Variants in SEMA6D observed in about 807,000 individuals in gnomAD.
SEMA6D encodes the protein semaphorin 6D.
A neutral mutation model predicts 106.6 loss-of-function variants in SEMA6D; 35 were observed. That is an observed-to-expected ratio of 0.33 (90% CI 0.25 to 0.44). The LOEUF (loss-of-function observed/expected upper bound fraction) is 0.44. Among genes scored for constraint, SEMA6D ranks in the 20% least tolerant of loss-of-function variants. SEMA6D has a pLI of 1.00. For synonymous variants in SEMA6D, 499 were observed against 487.7 expected, an observed-to-expected ratio of 1.02 and a Z score of -0.31; for missense variants, 1,185 against 1,345.9, an observed-to-expected ratio of 0.88 and a Z score of 1.87.
intron 3 of SEMA6D, among the ~76,000 whole-genome samples, chr15:47,508,736 G>A (rs2044132790): frequency 6.6e-6 from 1 of 152,182 alleles, no homozygotes; most frequent in Non-Finnish European, 1.5e-5. Context: ...CTAGTGTAGT[G>A]GCTAACTGCA....
At chr15:47,717,019 AC>A (rs2079135478), upstream of SEMA6D, 1 of 152,208 alleles carries the variant, frequency 6.6e-6, no homozygotes, top group South Asian at 2.1e-4. Context: ...TCACGGAACA[AC>A]TGCGCCCGCA....
intron 13 of SEMA6D, 174 bp from the exon 14 acceptor site, chr15:47,765,695 C>A: frequency 1.6e-6 from 1 of 623,308 alleles, no homozygotes; most frequent in Non-Finnish European, 2.3e-6. Flanking sequence ...GAAATTTAAC[C>A]AACCATGCAG....
intron 1 of SEMA6D, among the ~76,000 whole-genome samples, chr15:47,278,624 C>G (rs888975797): frequency 5.3e-5 from 8 of 152,008 alleles, no homozygotes; most frequent in African/African-American, 9.7e-5. Context: ...TTAATTAGAT[C>G]CCATTTGTCA....
chr15:47,558,661 A>G (rs1323120672), intron 3 of SEMA6D, among the ~76,000 whole-genome samples: 1 of 152,114 alleles, frequency 6.6e-6, no homozygotes, highest in Non-Finnish European at 1.5e-5. Flanking sequence ...AATTCAATCT[A>G]TTAACTCTAA....
chr15:47,191,780 C>T (rs1893978513), intron 1 of SEMA6D, among the ~76,000 whole-genome samples: 1 of 152,048 alleles, frequency 6.6e-6, no homozygotes, highest in Non-Finnish European at 1.5e-5. Context: ...TATAGAAAAG[C>T]TTAATGGGAG....
chr15:47,606,463 T>C (rs1404112359), intron 4 of SEMA6D: 2 of 152,120 alleles, frequency 1.3e-5, no homozygotes, highest in African/African-American at 4.8e-5. Flanking sequence ...GTCTTTCTTA[T>C]TATACCACAA....
intron 4 of SEMA6D, among the ~76,000 whole-genome samples, chr15:47,642,878 G>A (rs112391776): frequency 6.6e-6 from 1 of 152,076 alleles, no homozygotes. Flanking sequence ...TATATTGAGA[G>A]AGAGAGAGGT....
chr15:47,632,596 AT>A (rs2077312932), intron 4 of SEMA6D, among the ~76,000 whole-genome samples: 1 of 151,620 alleles, frequency 6.6e-6, no homozygotes, highest in Non-Finnish European at 1.5e-5. Flanking sequence ...CTGATTTTTT[AT>A]TTTTTGGTTA....
intron 4 of SEMA6D, among the ~76,000 whole-genome samples, chr15:47,614,228 G>A (rs974153561): frequency 2.0e-5 from 3 of 152,114 alleles, no homozygotes; most frequent in South Asian, 2.1e-4. Flanking sequence ...TACAAAGTGC[G>A]TGCCCAAACC....
intron 1 of SEMA6D, among the ~76,000 whole-genome samples, chr15:47,201,458 GTCTTT>G (rs1189405850): frequency 3.9e-5 from 6 of 152,236 alleles, no homozygotes; most frequent in East Asian, 1.9e-4. Context: ...CCTGATTTCT[GTCTTT>G]TCTTTTAAAT....
chr15:47,769,409 TCGG>T (rs2082516339), intron 18 of SEMA6D, among the ~76,000 whole-genome samples: 1 of 152,228 alleles, frequency 6.6e-6, no homozygotes, highest in Non-Finnish European at 1.5e-5. Flanking sequence ...ATGATTTATA[TCGG>T]TTGATTTTCA....
chr15:47,282,260 C>G (rs1330927993), intron 1 of SEMA6D, among the ~76,000 whole-genome samples: 2 of 152,152 alleles, frequency 1.3e-5, no homozygotes, highest in Non-Finnish European at 2.9e-5. Flanking sequence ...TTAATGACTT[C>G]TAGTAGCATA....
chr15:47,537,169 G>A (rs2045193955), intron 3 of SEMA6D, among the ~76,000 whole-genome samples: 1 of 152,148 alleles, frequency 6.6e-6, no homozygotes, highest in East Asian at 1.9e-4. Context: ...TTTATAGTCA[G>A]AAAGTGAGAA....
intron 1 of SEMA6D, among the ~76,000 whole-genome samples, chr15:47,368,476 A>ATTTT (rs944927218): frequency 3.6e-5 from 3 of 84,430 alleles, no homozygotes; most frequent in African/African-American, 1.0e-4. Context: ...TTATTTATTT[A>ATTTT]TTTATTTTTT....
At chr15:47,211,252 C>T (rs2029991084) in intron 1 of SEMA6D, among the ~76,000 whole-genome samples, 1 of 152,000 alleles carries the variant, frequency 6.6e-6, no homozygotes, top group African/African-American at 2.4e-5. Flanking sequence ...ACTTGTATAC[C>T]TGGCCATTTT....
intron 4 of SEMA6D, among the ~76,000 whole-genome samples, chr15:47,615,298 A>G (rs1285075816): frequency 1.3e-5 from 2 of 152,234 alleles, no homozygotes; most frequent in East Asian, 1.9e-4. Context: ...ATATGGCAGG[A>G]TGTATATAAG....
At chr15:47,460,794 G>T (rs80324471) in intron 2 of SEMA6D, among the ~76,000 whole-genome samples, 1 of 152,032 alleles carries the variant, frequency 6.6e-6, no homozygotes, top group Non-Finnish European at 1.5e-5. Context: ...TTTGGTAAAC[G>T]TTGCTTATAA....
At chr15:47,237,022 C>A (rs1231795709) in intron 1 of SEMA6D, among the ~76,000 whole-genome samples, 2 of 152,124 alleles carry the variant, frequency 1.3e-5, no homozygotes, top group Non-Finnish European at 2.9e-5. Context: ...TGGACACATA[C>A]ACAACAAGAT....
intron 2 of SEMA6D, among the ~76,000 whole-genome samples, chr15:47,463,564 A>G (rs1313508931): frequency 6.6e-6 from 1 of 152,172 alleles, no homozygotes; most frequent in African/African-American, 2.4e-5. Context: ...TGGTAGGCCT[A>G]AGAGTTGTAG....
Sources: allele counts gnomAD v4.1 joint callset (sites outside exome capture counted in the v4.1 genomes callset), GRCh38; gene constraint gnomAD v4.1.1; transcripts MANE v1.5; gene names NCBI Gene and HGNC (gene_info 2026-07-23, HGNC 2026-07-21).